C5orf46: variants seen among roughly 807,000 people sequenced by gnomAD.
C5orf46 encodes chromosome 5 open reading frame 46, also known as uncharacterized protein C5orf46.
C5orf46 carries 9 observed loss-of-function variants against 8.9 expected under a neutral mutation model. The observed-to-expected ratio is 1.01, with a 90% confidence interval of 0.61 to 1.76. The LOEUF (loss-of-function observed/expected upper bound fraction) is 1.76, where lower values mean the gene tolerates loss of function less well. C5orf46 is among the 40% of genes most tolerant of loss of function. The probability of loss-of-function intolerance (pLI) is 0.00; values close to 1 mark genes in which losing one functional copy is unlikely to be tolerated. For synonymous variants in C5orf46, 47 were observed against 41.4 expected (o/e 1.14, Z -0.52); for missense variants, 98 against 107.8 (o/e 0.91, Z 0.40).
At chr5:147,905,958 T>C (rs1176744742) in intron 1 of C5orf46, among the ~76,000 whole-genome samples, 3 of 152,236 alleles carry the variant, frequency 2.0e-5, no homozygotes, top group South Asian at 2.1e-4. Flanking sequence ...TCATTCCTTT[T>C]ATTTAATTTT....
intron 3 of C5orf46, 137 bp downstream of exon 3, chr5:147,896,847 T>G: frequency 2.3e-6 from 1 of 429,784 alleles, no homozygotes; most frequent in Non-Finnish European, 4.3e-6. Context: ...AATATATTCA[T>G]TTATTTTTTT....
chr5:147,894,612 AT>A (rs538360055), intron 3 of C5orf46, among the ~76,000 whole-genome samples: 221 of 152,018 alleles, frequency 1.5e-3, no homozygotes, highest in Non-Finnish European at 2.4e-3. Context: ...TAACTTTATC[AT>A]TTCCTTCCAC....
intron 2 of C5orf46, chr5:147,887,412 T>G (rs766827537): frequency 1.3e-5 from 2 of 152,146 alleles, no homozygotes; most frequent in Non-Finnish European, 2.9e-5. Context: ...TGTTAAATGG[T>G]GCATTCTTTG....
chr5:147,893,063 A>G (rs1177307278), intron 3 of C5orf46, 124 bp from the exon 4 acceptor site: 1 of 152,212 alleles, frequency 6.6e-6, no homozygotes, highest in Admixed American at 6.5e-5. Context: ...TTTAAAATAG[A>G]AGAGGTTTCA....
At chr5:147,899,757 GT>G (rs1483384116) in intron 2 of C5orf46, among the ~76,000 whole-genome samples, 1 of 152,190 alleles carries the variant, frequency 6.6e-6, no homozygotes, top group East Asian at 1.9e-4. Flanking sequence ...TCATAGAATA[GT>G]TTCTGAGGAA....
intron 1 of C5orf46, among the ~76,000 whole-genome samples, chr5:147,902,267 CAT>C (rs1239000058): frequency 2.0e-5 from 3 of 152,058 alleles, no homozygotes; most frequent in Non-Finnish European, 4.4e-5. Context: ...GCCTGGGTAA[CAT>C]AGTGAGACTT....
intron 3 of C5orf46, among the ~76,000 whole-genome samples, chr5:147,894,558 T>G (rs1288042756): frequency 1.3e-5 from 2 of 152,134 alleles, no homozygotes; most frequent in African/African-American, 4.8e-5. Flanking sequence ...CTCCAGATAT[T>G]CCTTCTTATC....
At chr5:147,890,018 T>C (rs1757479200), downstream of C5orf46, among the ~76,000 whole-genome samples, 1 of 152,216 alleles carries the variant, frequency 6.6e-6, no homozygotes, top group African/African-American at 2.4e-5. Context: ...CTTCTCCTTC[T>C]CCATGTCTTC....
intron 2 of C5orf46, chr5:147,886,648 AACAT>A (rs1488274081): frequency 6.6e-6 from 1 of 151,334 alleles, no homozygotes; most frequent in African/African-American, 2.4e-5. Flanking sequence ...AATATTTACA[AACAT>A]ACATGAATGA....
In C5orf46 at chr5:147,900,292, G is replaced by C. The variant is rs533652494; in HGVS notation, c.215+1337C>G. ...CCTGTGAGTTTTAACAATTTGTGGA[G>C]AAGGATTGCCTGTAGAACACTGCCC... is the stretch of plus-strand genomic sequence containing the variant. On this transcript the variant is annotated intron_variant, in intron 2 of 3. Coordinates refer to ENST00000318315, the MANE Select transcript of C5orf46 (RefSeq NM_206966.3). Among the ~76,000 whole-genome samples, 4 of 152,264 alleles carry C rather than the reference G, an allele frequency of 2.6e-5. No homozygotes were observed. The South Asian group carries it at 8.3e-4, about 32-fold the overall frequency.
chr5:147,900,934 G>A (rs1262096547), intron 2 of C5orf46, among the ~76,000 whole-genome samples: 4 of 152,206 alleles, frequency 2.6e-5, no homozygotes, highest in Admixed American at 2.6e-4. Context: ...AAAATAATAT[G>A]TATTGGGAAT....
At chr5:147,886,673 A>G (rs916885881) in intron 2 of C5orf46, 7 of 151,306 alleles carry the variant, frequency 4.6e-5, no homozygotes, top group Non-Finnish European at 1.0e-4. Flanking sequence ...TACATTGCAC[A>G]TATGAATGAC....
At chr5:147,889,703 A>G (rs182697872), downstream of C5orf46, among the ~76,000 whole-genome samples, 311 of 152,282 alleles carry the variant, frequency 2.0e-3, no homozygotes, top group Non-Finnish European at 3.8e-3. Flanking sequence ...AAATAAATAC[A>G]AAAGGAAATC....
intron 2 of C5orf46, chr5:147,887,211 G>A (rs1306455686): frequency 6.6e-6 from 1 of 152,146 alleles, no homozygotes; most frequent in East Asian, 1.9e-4. Context: ...TATTGAGGCA[G>A]ATTAAAGACA....
In C5orf46 at chr5:147,903,191, G is replaced by T. The variant is rs538966391; in HGVS notation, c.71-1418C>A. On this transcript the variant is annotated intron_variant, in intron 1 of 3. Transcript: ENST00000318315. ...CTCTGAGCCCTGGTCACAGGATAAA[G>T]TGGGACCTTTATTTTTTAATTGTAT... Among the ~76,000 whole-genome samples the T allele has an allele frequency of 1.3e-5, 2 of 152,306 alleles. 1 individual carries two copies. The highest frequency in any genetic ancestry group is 3.9e-4 in the East Asian group (2 of 5,182).
chr5:147,903,466 T>G (rs985898955), intron 1 of C5orf46, among the ~76,000 whole-genome samples: 1 of 152,172 alleles, frequency 6.6e-6, no homozygotes, highest in African/African-American at 2.4e-5. Flanking sequence ...TTCTAGACAA[T>G]GTACCCCTGA....
chr5:147,890,240 C>T (rs1008638325), downstream of C5orf46, among the ~76,000 whole-genome samples: 2 of 152,146 alleles, frequency 1.3e-5, no homozygotes, highest in African/African-American at 4.8e-5. Context: ...AAGCAAAAAT[C>T]ATGAGATATT....
chr5:147,904,561 A>G (rs1757720675), intron 1 of C5orf46, among the ~76,000 whole-genome samples: 1 of 152,180 alleles, frequency 6.6e-6, no homozygotes. Flanking sequence ...TTATTTTAAT[A>G]TGACACTAAA....
intron 3 of C5orf46, among the ~76,000 whole-genome samples, chr5:147,893,685 G>A (rs1757537116): frequency 6.6e-6 from 1 of 152,068 alleles, no homozygotes; most frequent in Non-Finnish European, 1.5e-5. Context: ...TGGGATTACT[G>A]GCATGTGCCA....
Sources: gnomAD v4.1 joint callset for allele counts (sites outside exome capture counted in the v4.1 genomes callset) on GRCh38, gnomAD v4.1.1 for gene constraint, MANE v1.5 for transcripts, NCBI Gene and HGNC (gene_info 2026-07-23, HGNC 2026-07-21) for gene names.